SPATA13: variants seen among roughly 807,000 people sequenced by gnomAD.
SPATA13 encodes the protein spermatogenesis associated 13, also known as spermatogenesis-associated protein 13.
A neutral mutation model predicts 104.0 loss-of-function variants in SPATA13; 50 were observed. The observed-to-expected ratio is 0.48, with a 90% CI of 0.38 to 0.61. The LOEUF (loss-of-function observed/expected upper bound fraction) is 0.61, where lower values mean the gene tolerates loss of function less well. Among genes scored for constraint, SPATA13 ranks in the 20% least tolerant of loss-of-function variants. The pLI, the probability that SPATA13 is intolerant of heterozygous loss-of-function variation, is 0.00. For missense variants in SPATA13, 1,524 were observed against 1,690.6 expected, an observed-to-expected ratio of 0.90 and a Z score of 1.73; for synonymous variants, 606 against 667.5, an observed-to-expected ratio of 0.91 and a Z score of 1.42.
Position 24,201,514 on chromosome 13 carries a change from C to T in SPATA13, c.-111-21305C>T, listed in dbSNP as rs542459489. On this transcript the variant is annotated intron_variant, in intron 1 of 12. Coordinates refer to ENST00000382108, the MANE Select transcript of SPATA13 (RefSeq NM_001166271.3). ...GGAGTGCAGTGGTGCAATCTTGACT[C>T]ACTGCAACCTCCGCCTCCCAGGTTC... Among the ~76,000 whole-genome samples, 3 of 152,206 alleles carry T rather than the reference C, an allele frequency of 2.0e-5. No homozygotes were observed. The South Asian group carries it at 6.2e-4, about 31-fold the overall frequency.
At chr13:24,155,107 C>CA (rs1882220912) in intron 3 of SPATA13, among the ~76,000 whole-genome samples, 1 of 152,216 alleles carries the variant, frequency 6.6e-6, no homozygotes, top group Admixed American at 6.5e-5. Context: ...CTCAGCCTCC[C>CA]AAAGTGCTGG....
At chr13:24,176,731 A>G (rs780110105) in intron 1 of SPATA13, among the ~76,000 whole-genome samples, 2 of 152,186 alleles carry the variant, frequency 1.3e-5, no homozygotes, top group Non-Finnish European at 2.9e-5. Flanking sequence ...TCTAAATGAT[A>G]ATGAAATGAT....
chr13:24,076,193 C>A (rs894617379), intron 3 of SPATA13, among the ~76,000 whole-genome samples: 3 of 152,168 alleles, frequency 2.0e-5, no homozygotes, highest in Non-Finnish European at 4.4e-5. Context: ...ACAGAAACAG[C>A]AGTGTACATG....
chr13:24,185,286 TG>T (rs1234389334), intron 1 of SPATA13, among the ~76,000 whole-genome samples: 1 of 152,234 alleles, frequency 6.6e-6, no homozygotes, highest in African/African-American at 2.4e-5. Flanking sequence ...TTTTACTGCT[TG>T]CTTTATAAAG....
chr13:23,985,918 A>G (rs141693449), intron 2 of SPATA13, among the ~76,000 whole-genome samples: 25 of 152,252 alleles, frequency 1.6e-4, no homozygotes, highest in African/African-American at 5.8e-4. Flanking sequence ...AGGGACGAGG[A>G]AGCCAGCCTG....
intron 1 of SPATA13, among the ~76,000 whole-genome samples, chr13:24,164,079 T>C (rs9511098): frequency 6.6e-6 from 1 of 152,118 alleles, no homozygotes; most frequent in African/African-American, 2.4e-5. Flanking sequence ...GAACACCAAA[T>C]GTACATGGTT....
intron 4 of SPATA13, among the ~76,000 whole-genome samples, chr13:24,277,321 G>C (rs1171148805): frequency 6.6e-6 from 1 of 151,914 alleles, no homozygotes; most frequent in Non-Finnish European, 1.5e-5. Flanking sequence ...GCGGGCGCCT[G>C]TAGTCCCAGC....
intron 1 of SPATA13, among the ~76,000 whole-genome samples, chr13:24,210,766 G>GTT (rs58789886): frequency 5.5e-4 from 75 of 137,474 alleles, no homozygotes; most frequent in African/African-American, 1.8e-3. Flanking sequence ...GAATTTTAGG[G>GTT]TTTTTTTTTT....
intron 1 of SPATA13, among the ~76,000 whole-genome samples, chr13:24,198,187 G>A (rs775566684): frequency 3.3e-5 from 5 of 152,146 alleles, no homozygotes; most frequent in Admixed American, 6.5e-5. Flanking sequence ...TAGAGACGGG[G>A]TTTCACTGTG....
At chr13:24,090,104 C>T (rs1879863640) in intron 3 of SPATA13, among the ~76,000 whole-genome samples, 1 of 152,008 alleles carries the variant, frequency 6.6e-6, no homozygotes, top group Non-Finnish European at 1.5e-5. Context: ...GACTATAGCA[C>T]TGGACTTCCT....
intron 2 of SPATA13, among the ~76,000 whole-genome samples, chr13:24,238,692 A>G (rs1336432431): frequency 6.6e-6 from 1 of 152,176 alleles, no homozygotes; most frequent in Non-Finnish European, 1.5e-5. Flanking sequence ...GTGACCAGGC[A>G]AAGGATTACA....
intron 3 of SPATA13, among the ~76,000 whole-genome samples, chr13:24,035,381 T>C (rs1877639714): frequency 6.6e-6 from 1 of 152,190 alleles, no homozygotes; most frequent in Non-Finnish European, 1.5e-5. Flanking sequence ...CTTGAACTTC[T>C]GGGGTTAAGT....
chr13:24,019,613 C>G (rs1460886727), intron 3 of SPATA13, among the ~76,000 whole-genome samples: 2 of 152,086 alleles, frequency 1.3e-5, no homozygotes, highest in African/African-American at 4.8e-5. Context: ...AGTGCATTCT[C>G]TTTCTTCCTC....
In SPATA13 at chr13:24,206,664, G is replaced by A. The variant is rs553231909; in HGVS notation, c.-111-16155G>A. ...CCTAGCACTTTGGGAGGCCGAGGTG[G>A]GTGGATCACCTGAGGTCAGGAGTTC... On this transcript the variant is annotated intron_variant, in intron 1 of 12. Transcript: ENST00000382108. 3.5e-4 allele frequency among the ~76,000 whole-genome samples: 53 copies of A among 152,244 alleles called. 1 individual carries two copies. The highest frequency in any genetic ancestry group is 2.9e-3 in the Admixed American group (44 of 15,292).
At chr13:24,157,068 T>C (rs1313687752), upstream of SPATA13, among the ~76,000 whole-genome samples, 1 of 152,206 alleles carries the variant, frequency 6.6e-6, no homozygotes, top group Non-Finnish European at 1.5e-5. Context: ...CTCCTTTGCC[T>C]CTGCTTCCCT....
upstream of SPATA13, among the ~76,000 whole-genome samples, chr13:24,160,006 T>C (rs2138482244): frequency 6.6e-6 from 1 of 152,306 alleles, no homozygotes; most frequent in South Asian, 2.1e-4. Context: ...TGATTAGGCC[T>C]TGAGCCTCAC....
intron 1 of SPATA13, among the ~76,000 whole-genome samples, chr13:24,198,156 A>G (rs769894356): frequency 1.3e-5 from 2 of 151,988 alleles, no homozygotes; most frequent in African/African-American, 2.4e-5. Flanking sequence ...CCACCATGCC[A>G]GCTAATTTCT....
chr13:24,200,760 A>G (rs1566147241), intron 1 of SPATA13, among the ~76,000 whole-genome samples: 1 of 151,722 alleles, frequency 6.6e-6, no homozygotes, highest in Non-Finnish European at 1.5e-5. Context: ...AAGCAGCCTC[A>G]TGACTGTTGG....
At chr13:24,259,608 G>T (rs1286429622) in intron 4 of SPATA13, among the ~76,000 whole-genome samples, 1 of 152,090 alleles carries the variant, frequency 6.6e-6, no homozygotes, top group Non-Finnish European at 1.5e-5. Context: ...ACTTATTTAT[G>T]TATTTATTTA....
Sources: gnomAD v4.1 joint callset for allele counts (sites outside exome capture counted in the v4.1 genomes callset) on GRCh38, gnomAD v4.1.1 for gene constraint, MANE v1.5 for transcripts, NCBI Gene and HGNC (gene_info 2026-07-23, HGNC 2026-07-21) for gene names.